Variants in PIP4K2A observed in about 807,000 individuals in gnomAD.
PIP4K2A encodes phosphatidylinositol 5-phosphate 4-kinase type-2 alpha.
In PIP4K2A, 14 loss-of-function variants were observed where a neutral mutation model predicts 42.9. That is an observed-to-expected ratio of 0.33 (90% CI 0.22 to 0.51). The LOEUF (loss-of-function observed/expected upper bound fraction) is 0.51, where lower values mean the gene tolerates loss of function less well. Ranked by LOEUF, PIP4K2A falls within the 20% of genes least tolerant of loss-of-function variation. The pLI is 0.97. For missense variants in PIP4K2A, 434 were observed against 519.8 expected (o/e 0.83, Z 1.61); for synonymous variants, 192 against 192.2 (o/e 1.00, Z 0.01).
chr10:22,643,635 A>G (rs1037584857), intron 1 of PIP4K2A, among the ~76,000 whole-genome samples: 2 of 152,138 alleles, frequency 1.3e-5, no homozygotes, highest in African/African-American at 4.8e-5. Flanking sequence ...ATTTCTCATC[A>G]GCAAAAATTA....
intron 1 of PIP4K2A, among the ~76,000 whole-genome samples, chr10:22,620,800 G>A (rs2130742060): frequency 6.6e-6 from 1 of 152,328 alleles, no homozygotes; most frequent in Non-Finnish European, 1.5e-5. Context: ...ACAGGGCTCT[G>A]GTGCCTGCAC....
chr10:22,598,370 A>G (rs1305349767), intron 3 of PIP4K2A, among the ~76,000 whole-genome samples: 1 of 152,160 alleles, frequency 6.6e-6, no homozygotes, highest in Non-Finnish European at 1.5e-5. Flanking sequence ...AATAAAAACA[A>G]ACAGACAAAA....
chr10:22,571,480 G>A (rs1677990101), intron 5 of PIP4K2A, among the ~76,000 whole-genome samples: 1 of 152,320 alleles, frequency 6.6e-6, no homozygotes, highest in Middle Eastern at 3.4e-3. Context: ...ATGACTTTTT[G>A]ATACTGTATA....
intron 1 of PIP4K2A, among the ~76,000 whole-genome samples, chr10:22,630,160 C>T (rs575851680): frequency 6.8e-6 from 1 of 146,492 alleles, no homozygotes; most frequent in Admixed American, 6.8e-5. Flanking sequence ...AAACACAGGG[C>T]GACTTCATGA....
At chr10:22,580,498 A>G (rs1837245992) in intron 4 of PIP4K2A, among the ~76,000 whole-genome samples, 1 of 151,950 alleles carries the variant, frequency 6.6e-6, no homozygotes, top group African/African-American at 2.4e-5. Context: ...AAAAGAAAAT[A>G]AAAGAAAGAC....
chr10:22,564,250 C>T (rs1391138977), intron 6 of PIP4K2A, among the ~76,000 whole-genome samples: 1 of 152,138 alleles, frequency 6.6e-6, no homozygotes, highest in African/African-American at 2.4e-5. Flanking sequence ...TCTGTGTGCC[C>T]TTGTTTTATG....
intron 6 of PIP4K2A, among the ~76,000 whole-genome samples, chr10:22,564,478 G>A (rs183120321): frequency 7.8e-4 from 119 of 152,328 alleles, no homozygotes; most frequent in African/African-American, 2.6e-3. Flanking sequence ...CTGGCCTGTC[G>A]TACGATGCTG....
At chr10:22,568,948 C>T (rs1300955137) in intron 5 of PIP4K2A, 124 of 1,277,130 alleles carry the variant, frequency 9.7e-5, no homozygotes, top group Non-Finnish European at 1.3e-4. Context: ...GCTTCTTTAC[C>T]ACCTGATGAA....
intron 3 of PIP4K2A, among the ~76,000 whole-genome samples, chr10:22,601,143 AAAAAAAAAAAAAAAAAAAAAC>A (rs1284245077): frequency 2.7e-4 from 35 of 131,324 alleles, no homozygotes; most frequent in Middle Eastern, 3.8e-3. Context: ...AAAAAAAAAA[AAAAAAAAAAAAAAAAAAAAAC>A]AAACCAGGAA....
chr10:22,664,062 C>T lies in PIP4K2A; in HGVS notation c.144+50121G>A, dbSNP rs7910791. Among the ~76,000 whole-genome samples, 225 of 70,010 alleles carry T rather than the reference C, an allele frequency of 3.2e-3. 16 individuals are homozygous for T. The highest frequency in any genetic ancestry group is 0.026 in the African/African-American group (192 of 7,284). 45.9% of individuals were successfully genotyped at this position (70,010 alleles called of 152,430 possible). On this transcript the variant is annotated intron_variant, in intron 1 of 9. Coordinates refer to ENST00000376573, the MANE Select transcript of PIP4K2A (RefSeq NM_005028.5). ...ATATATATATACATATGTATATATA[C>T]ATATATATATATACGTATATATATA... is the stretch of plus-strand genomic sequence containing the variant.
At chr10:22,590,639 G>A (rs1837489415) in intron 4 of PIP4K2A, among the ~76,000 whole-genome samples, 1 of 152,206 alleles carries the variant, frequency 6.6e-6, no homozygotes, top group Non-Finnish European at 1.5e-5. Context: ...CAAGATGGGA[G>A]AACTGCTTGA....
chr10:22,686,589 G>T (rs768644328), intron 1 of PIP4K2A, among the ~76,000 whole-genome samples: 1 of 152,100 alleles, frequency 6.6e-6, no homozygotes, highest in Non-Finnish European at 1.5e-5. Context: ...TTCCACCTCA[G>T]CCTCCTGAGT....
chr10:22,567,824 T>C (rs369059332), intron 6 of PIP4K2A, 27 bp downstream of exon 6: 427 of 1,590,696 alleles, frequency 2.7e-4, no homozygotes, highest in Non-Finnish European at 3.4e-4. Context: ...CCCCAGGACA[T>C]GGGGAGACAT....
chr10:22,704,727 TCTG>T (rs1564472974), intron 1 of PIP4K2A, among the ~76,000 whole-genome samples: 1 of 151,218 alleles, frequency 6.6e-6, no homozygotes, highest in African/African-American at 2.4e-5. Context: ...AAGGAGAGCT[TCTG>T]CTGTTACTGT....
chr10:22,583,452 G>C (rs1837323444), intron 4 of PIP4K2A, among the ~76,000 whole-genome samples: 1 of 152,174 alleles, frequency 6.6e-6, no homozygotes, highest in African/African-American at 2.4e-5. Flanking sequence ...GGTGTGCCCA[G>C]GGAGCATGTG....
At chr10:22,668,478 T>C (rs1839391313) in intron 1 of PIP4K2A, among the ~76,000 whole-genome samples, 2 of 152,184 alleles carry the variant, frequency 1.3e-5, no homozygotes, top group Admixed American at 1.3e-4. Context: ...TTCTGGATCA[T>C]ATTGAAATAT....
rs1049727876 is a variant in PIP4K2A, at chr10:22,537,339, T to C, written c.1141-58A>G. On this transcript the variant is annotated intron_variant, in intron 9 of 9. Coordinates refer to ENST00000376573, the MANE Select transcript of PIP4K2A (RefSeq NM_005028.5). ...TAGTGTTTATGATTTCCCCAAATTA[T>C]TACTCAATATCTACAGCTATTTCCA... 7.0e-6 allele frequency: 9 copies of C among 1,292,122 alleles called. No homozygotes were observed. In the Admixed American group the frequency reaches 1.4e-4, roughly 20 times the overall value. 80.0% of individuals were successfully genotyped at this position (1,292,122 alleles called of 1,614,324 possible). A position where few individuals can be genotyped will look rare whatever the true frequency, so the allele number is the denominator to read the frequency against.
chr10:22,556,258 A>G (rs1412434084), intron 6 of PIP4K2A, among the ~76,000 whole-genome samples: 2 of 151,710 alleles, frequency 1.3e-5, no homozygotes, highest in Non-Finnish European at 2.9e-5. Flanking sequence ...CGAGGCGCCA[A>G]CCTCCCTGTC....
At chr10:22,637,427 C>T (rs1202365668) in intron 1 of PIP4K2A, among the ~76,000 whole-genome samples, 1 of 152,160 alleles carries the variant, frequency 6.6e-6, no homozygotes, top group African/African-American at 2.4e-5. Flanking sequence ...AGCATCAAGA[C>T]CAGAAGCTAG....
Sources: gnomAD v4.1 joint callset for allele counts (sites outside exome capture counted in the v4.1 genomes callset) on GRCh38, gnomAD v4.1.1 for gene constraint, MANE v1.5 for transcripts, NCBI Gene and HGNC (gene_info 2026-07-23, HGNC 2026-07-21) for gene names.